Variants in BECN1 observed in about 807,000 individuals in gnomAD.
BECN1 encodes the protein beclin-1.
In BECN1, 15 loss-of-function variants were observed where a neutral mutation model predicts 60.1. That is an observed-to-expected ratio of 0.25 (90% CI 0.17 to 0.38). BECN1 has a LOEUF of 0.38. Ranked by LOEUF, BECN1 falls within the 10% of genes least tolerant of loss-of-function variation. The pLI is 1.00. For synonymous variants in BECN1, 179 were observed against 201.8 expected, an observed-to-expected ratio of 0.89 and a Z score of 0.96; for missense variants, 424 against 548.2, an observed-to-expected ratio of 0.77 and a Z score of 2.26.
chr17:42,822,594 G>A (rs1203254610), intron 2 of BECN1, among the ~76,000 whole-genome samples: 1 of 152,100 alleles, frequency 6.6e-6, no homozygotes, highest in Non-Finnish European at 1.5e-5. Flanking sequence ...TAGAGACAGG[G>A]TCTTACTGTG....
intron 4 of BECN1, 134 bp downstream of exon 4, chr17:42,819,414 A>C: frequency 3.3e-6 from 3 of 910,458 alleles, no homozygotes; most frequent in Non-Finnish European, 5.0e-6. Context: ...ATAAGGGAAT[A>C]CATCTTTTCT....
chr17:42,816,839 G>A lies in BECN1; in HGVS notation c.684-785C>T, dbSNP rs936357669. 8.6e-5 allele frequency among the ~76,000 whole-genome samples: 13 copies of A among 151,884 alleles called. No individual in the cohort carries two copies. In the East Asian group the frequency reaches 1.7e-3, roughly 20 times the overall value. On this transcript the variant is annotated intron_variant, in intron 7 of 11. Coordinates refer to ENST00000590099, the MANE Select transcript of BECN1 (RefSeq NM_001313998.2). ...AATAAAATTAGCCAGGCGTGGTGGC[G>A]CACGCCTGTAGTCCCAGCTACTTGG...
chr17:42,823,886 C>G lies in BECN1; in HGVS notation c.-2-7G>C. 1 of 1,612,250 alleles carries G rather than the reference C, an allele frequency of 6.2e-7. No individual in the cohort carries two copies. Among genetic ancestry groups the G allele is most frequent in the Non-Finnish European group, 8.5e-7 (1 of 1,178,642 alleles). On this transcript the variant is annotated splice_region_variant and splice_polypyrimidine_tract_variant and intron_variant, in intron 1 of 11. Coordinates refer to ENST00000590099, the MANE Select transcript of BECN1 (RefSeq NM_001313998.2). ...GTCTTAGACCCTTCCATCCCTGAGGCCGTGGAAAAGAGGCAACATTAGGGA... is the reference window on the plus strand; with the variant it reads ...GTCTTAGACCCTTCCATCCCTGAGGGCGTGGAAAAGAGGCAACATTAGGGA...
chr17:42,810,883 G>GC lies in BECN1; in HGVS notation c.1229dup (p.Gly411ArgfsTer10). On this transcript the variant is annotated frameshift_variant, in exon 12 of 12. Coordinates refer to ENST00000590099, the MANE Select transcript of BECN1 (RefSeq NM_001313998.2). LOFTEE classifies it high-confidence loss of function. ...ACTGGGTTTTGATGGAATAGGAGCC[G>GC]CCACTGCCTCCTGTGTCTTCAATCT... is the stretch of plus-strand genomic sequence containing the variant. 6.2e-7 allele frequency: 1 copy of GC among 1,612,398 alleles called. No homozygotes were observed. Among genetic ancestry groups the GC allele is most frequent in the East Asian group, 2.2e-5 (1 of 44,822 alleles).
intron 2 of BECN1, 137 bp downstream of exon 2, chr17:42,823,611 G>T: frequency 8.0e-7 from 1 of 1,254,642 alleles, no homozygotes; most frequent in African/African-American, 1.5e-5. Context: ...GGAGAAAACA[G>T]GGAGCCAGAT....
intron 3 of BECN1, among the ~76,000 whole-genome samples, chr17:42,819,941 A>T (rs2055227539): frequency 6.6e-6 from 1 of 152,232 alleles, no homozygotes; most frequent in South Asian, 2.1e-4. Context: ...TCATAGTACA[A>T]GGAAAAAGCC....
At chr17:42,823,500 C>T (rs991834436) in intron 2 of BECN1, among the ~76,000 whole-genome samples, 2 of 152,160 alleles carry the variant, frequency 1.3e-5, no homozygotes, top group South Asian at 2.1e-4. Context: ...GTGATCTGCC[C>T]GCCTCGGTCT....
chr17:42,818,611 T>C lies in BECN1; in HGVS notation c.421A>G (p.Thr141Ala). 6.2e-7 allele frequency: 1 copy of C among 1,614,192 alleles called. No homozygotes were observed. The highest frequency in any genetic ancestry group is 8.5e-7 in the Non-Finnish European group (1 of 1,180,020). The change falls in exon 6 of 12, where the codon ACA becomes GCA. Residue 141 changes from threonine (T) to alanine (A), a missense_variant. Transcript: ENST00000590099. Reference sequence around the variant, plus strand: ...TCCAGCTGGTCTAAAAGAGTATCTGTGCATTCCTCACAGAGTGGGTGATCC... The same window carrying C: ...TCCAGCTGGTCTAAAAGAGTATCTGCGCATTCCTCACAGAGTGGGTGATCC... ...DVDHPLCEEC[T>A]DTLLDQLDTQ...
Position 42,814,669 on chromosome 17 carries a change from T to C in BECN1, c.835A>G (p.Ser279Gly). 6.2e-7 allele frequency: 1 copy of C among 1,614,132 alleles called. No homozygotes were observed. Among genetic ancestry groups the C allele is most frequent in the Non-Finnish European group, 8.5e-7 (1 of 1,180,024 alleles). Residue 279 changes from serine to glycine, a missense_variant, in exon 9 of 12, where the codon AGT (serine) becomes GGT (glycine). Ser to Gly is a moderately conservative substitution (Grantham distance 56, BLOSUM62 0). This residue lies in a region of BECN1 where 326 missense variants were observed against 406.2 expected (regional missense o/e 0.80). Transcript: ENST00000590099. ...TTATTGATTGTGCCAAACTGTCCAC[T>C]GTGCCTACAGAGGAAGGCAGAAAGG... ...VFNATFHIWH[S>G]GQFGTINNFR...
At chr17:42,810,996 T>C in intron 11 of BECN1, 68 bp from the exon 12 acceptor site, 2 of 1,435,182 alleles carry the variant, frequency 1.4e-6, no homozygotes, top group Admixed American at 2.3e-5. Context: ...GGGCAGGGAC[T>C]TGATCATGGG....
In BECN1 at chr17:42,818,205, C is replaced by T. The variant is rs746953584; in HGVS notation, c.683+16G>A. On this transcript the variant is annotated intron_variant, in intron 7 of 11. Coordinates refer to ENST00000590099, the MANE Select transcript of BECN1 (RefSeq NM_001313998.2). ...GAGCCTCGAGTGTGAGAAGATAGAA[C>T]AGGGTGAGCACTCACTGAGCTTCCT... 3 of 1,611,948 alleles carry T rather than the reference C, an allele frequency of 1.9e-6. No homozygotes were observed. The highest frequency in any genetic ancestry group is 1.3e-5 in the African/African-American group (1 of 74,966).
At chr17:42,811,146 C>G (rs1416140713) in intron 11 of BECN1, 2 of 430,002 alleles carry the variant, frequency 4.7e-6, no homozygotes, top group Non-Finnish European at 8.0e-6. Flanking sequence ...AGGACACACA[C>G]CCAAAGAGAA....
chr17:42,822,246 G>C (rs1340153728), intron 2 of BECN1, among the ~76,000 whole-genome samples: 1 of 152,152 alleles, frequency 6.6e-6, no homozygotes, highest in Non-Finnish European at 1.5e-5. Context: ...TCAAGAAAGA[G>C]AAACCAGGTA....
At chr17:42,813,786 C>T (rs1250711601) in intron 10 of BECN1, 162 bp downstream of exon 10, 1 of 524,782 alleles carries the variant, frequency 1.9e-6, no homozygotes, top group Non-Finnish European at 3.3e-6. Flanking sequence ...CTACAAGACC[C>T]CCAAAACTAA....
intron 7 of BECN1, 85 bp from the exon 8 acceptor site, chr17:42,816,139 T>C: frequency 2.9e-6 from 4 of 1,361,884 alleles, no homozygotes; most frequent in South Asian, 1.4e-5. Context: ...GATTCTTTAG[T>C]GATCATCGTT....
intron 11 of BECN1, 128 bp downstream of exon 11, chr17:42,811,527 G>A (rs975670004): frequency 4.1e-6 from 5 of 1,232,748 alleles, no homozygotes; most frequent in Admixed American, 4.5e-5. Context: ...GCCCATCAAT[G>A]TCATGTGATT....
At chr17:42,822,456 C>T (rs1193589368) in intron 2 of BECN1, among the ~76,000 whole-genome samples, 22 of 152,274 alleles carry the variant, frequency 1.4e-4, no homozygotes, top group Non-Finnish European at 5.9e-5. Context: ...GGATTTAAAC[C>T]CAAGCAGGCT....
chr17:42,821,090 T>C (rs1214715724), intron 2 of BECN1, among the ~76,000 whole-genome samples: 2 of 152,204 alleles, frequency 1.3e-5, no homozygotes, highest in African/African-American at 2.4e-5. Flanking sequence ...AGATGGAGTC[T>C]TGCTCTGTCG....
intron 11 of BECN1, 156 bp from the exon 12 acceptor site, chr17:42,811,084 A>C: frequency 1.4e-6 from 1 of 726,452 alleles, no homozygotes; most frequent in Non-Finnish European, 2.1e-6. Flanking sequence ...TGAAAGCCAA[A>C]AATCAAGAAG....
Sources: gnomAD v4.1 joint callset for allele counts (sites outside exome capture counted in the v4.1 genomes callset) on GRCh38, gnomAD v4.1.1 for gene constraint, gnomAD v4.1.1 regional missense constraint, MANE v1.5 for transcripts, NCBI Gene and HGNC (gene_info 2026-07-23, HGNC 2026-07-21) for gene names.